Variants in ECHDC2 observed in about 807,000 individuals in gnomAD.
The protein encoded by ECHDC2 is enoyl-CoA hydratase domain-containing protein 2, mitochondrial.
Under a neutral mutation model 40.6 loss-of-function variants are expected in ECHDC2, and 34 were observed. That is an observed-to-expected ratio of 0.84 (90% CI 0.64 to 1.11). ECHDC2 has a LOEUF of 1.11. ECHDC2 is among the 50% of genes most tolerant of loss of function. ECHDC2 has a pLI of 0.00. For synonymous variants in ECHDC2, 162 were observed against 166.6 expected (o/e 0.97, Z 0.21); for missense variants, 392 against 400.7 (o/e 0.98, Z 0.19).
intron 3 of ECHDC2, among the ~76,000 whole-genome samples, chr1:52,909,569 T>G (rs1648886481): frequency 6.6e-6 from 1 of 151,524 alleles, no homozygotes. Flanking sequence ...TATAATGTCT[T>G]AAGAAAGTTT....
At position 52,896,520 on chromosome 1, in the gene ECHDC2, T is replaced by C. The variant is rs1646642392; in HGVS notation, c.879A>G (p.Ter293TrpextTer4). ...EKRTPKFVGK* is the reference protein window; with the variant it reads ...EKRTPKFVGKW ...CCCATGCTGAAGGTTAAAATGGGGG[T>C]CATTTGCCAACAAATTTGGGAGTCC... The change falls in exon 10 of 10, where the codon TGA becomes TGG. Residue 293 changes from the stop codon to tryptophan (W), a stop_lost. Coordinates refer to ENST00000371522, the MANE Select transcript of ECHDC2 (RefSeq NM_001198961.2). 4 of 1,613,226 alleles carry C rather than the reference T, an allele frequency of 2.5e-6. No individual in the cohort carries two copies. The Admixed American group carries it at 6.7e-5, about 27-fold the overall frequency.
At chr1:52,916,770 TG>T (rs1279098228) in intron 1 of ECHDC2, among the ~76,000 whole-genome samples, 1 of 152,176 alleles carries the variant, frequency 6.6e-6, no homozygotes, top group Non-Finnish European at 1.5e-5. Flanking sequence ...GCCCCGATGC[TG>T]GGAACATTGC....
chr1:52,907,910 C>T lies in ECHDC2; in HGVS notation c.322G>A (p.Gly108Arg). Residue 108 changes from glycine (G) to arginine (R), a missense_variant, in exon 4 of 10, where the codon GGG becomes AGG. Gly to Arg is a moderately radical substitution (Grantham distance 125). Coordinates refer to ENST00000371522, the MANE Select transcript of ECHDC2 (RefSeq NM_001198961.2). ...EREQMSEAEV[G>R]VFVQRLRGLM... ...CCCCGGAGTCGCTGGACAAACACCC[C>T]CACCTCTGCTTCACTCATCTGTTCC... 1 of 1,614,110 alleles carries T rather than the reference C, an allele frequency of 6.2e-7. No homozygotes were observed. Among genetic ancestry groups the T allele is most frequent in the Non-Finnish European group, 8.5e-7 (1 of 1,180,008 alleles).
At chr1:52,911,303 T>C (rs1649430789) in intron 3 of ECHDC2, among the ~76,000 whole-genome samples, 1 of 152,056 alleles carries the variant, frequency 6.6e-6, no homozygotes, top group African/African-American at 2.4e-5. Context: ...ATTTCCCCCG[T>C]GAAGGGTCAG....
chr1:52,901,136 CAA>C (rs1646963774), intron 7 of ECHDC2: 1 of 151,692 alleles, frequency 6.6e-6, no homozygotes. Context: ...CCAGCCTGGG[CAA>C]AAGAGCCAGA....
Position 52,897,471 on chromosome 1 carries a change from GAT to G in ECHDC2, c.765_766del (p.Ser256TrpfsTer5). 1 of 1,614,220 alleles carries G rather than the reference GAT, an allele frequency of 6.2e-7. No homozygotes were observed. The highest frequency in any genetic ancestry group is 8.5e-7 in the Non-Finnish European group (1 of 1,180,046). ...GCACATCCCTTCAATGGCCATCCCA[GAT>G]GCAATGTCCACCTGCAAGAAAGACG... On this transcript the variant is annotated frameshift_variant, in exon 9 of 10. Transcript: ENST00000371522. LOFTEE classifies it high-confidence loss of function.
chr1:52,903,095 C>T (rs1027219240), intron 7 of ECHDC2, among the ~76,000 whole-genome samples: 9 of 152,134 alleles, frequency 5.9e-5, no homozygotes, highest in East Asian at 1.9e-4. Flanking sequence ...AGCAGACCCT[C>T]GCAGGGCCTT....
intron 5 of ECHDC2, chr1:52,905,358 G>A: frequency 1.9e-6 from 1 of 537,404 alleles, no homozygotes; most frequent in East Asian, 3.0e-5. Flanking sequence ...GTGGAAGAAA[G>A]ATGGCTGGCC....
rs996818840 is a variant in ECHDC2, at chr1:52,914,466, G to T, written c.122-2676C>A. ...AGAGGGCCCAGGTGTGGGACTGCAGGGTGCCTTCCAGAACTGGAGGAGTTC... is the reference window on the plus strand; with the variant it reads ...AGAGGGCCCAGGTGTGGGACTGCAGTGTGCCTTCCAGAACTGGAGGAGTTC... On this transcript the variant is annotated intron_variant, in intron 1 of 9. Coordinates refer to ENST00000371522, the MANE Select transcript of ECHDC2 (RefSeq NM_001198961.2). This position sits in a 1 kb window ranked among gnomAD's most constrained non-coding sequence, Gnocchi z 4.0. Among the ~76,000 whole-genome samples, 1 of 152,088 alleles carries T rather than the reference G, an allele frequency of 6.6e-6. No homozygotes were observed. Among genetic ancestry groups the T allele is most frequent in the African/African-American group, 2.4e-5 (1 of 41,392 alleles).
chr1:52,896,378 G>A lies in ECHDC2; in HGVS notation c.*142C>T. ...CACCTTGGTTCCAGGCATCACGCCA[G>A]TCATTTTATTTCCATCATCATCCTT... On this transcript the variant is annotated 3_prime_UTR_variant, in exon 10 of 10. Transcript: ENST00000371522. 1.4e-6 allele frequency: 1 copy of A among 734,218 alleles called. No individual in the cohort carries two copies. The highest frequency in any genetic ancestry group is 2.4e-6 in the Non-Finnish European group (1 of 415,400). 45.5% of individuals were successfully genotyped at this position (734,218 alleles called of 1,614,324 possible). A position where few individuals can be genotyped will look rare whatever the true frequency, so the allele number is the denominator to read the frequency against.
chr1:52,908,395 G>A (rs1174123261), intron 3 of ECHDC2, among the ~76,000 whole-genome samples: 1 of 152,222 alleles, frequency 6.6e-6, no homozygotes, highest in African/African-American at 2.4e-5. Context: ...CAGCTACTCA[G>A]GTGGCGGAGG....
chr1:52,917,595 G>T (rs1277078292), intron 1 of ECHDC2: 1 of 455,970 alleles, frequency 2.2e-6, no homozygotes, highest in African/African-American at 2.0e-5. Context: ...TCAGCTTGTG[G>T]TGGAGAACCT....
chr1:52,921,318 A>G, intron 1 of ECHDC2: 1 of 930,644 alleles, frequency 1.1e-6, no homozygotes, highest in Non-Finnish European at 1.5e-6. Flanking sequence ...GAAGACCCCA[A>G]AGGGCCTTTG....
chr1:52,912,041 G>T, intron 1 of ECHDC2: 9 of 1,405,928 alleles, frequency 6.4e-6, no homozygotes, highest in Non-Finnish European at 8.3e-6. Context: ...AAAATGGGGA[G>T]AGGAACAACA....
chr1:52,915,328 C>G (rs761704364), intron 1 of ECHDC2: 25 of 455,906 alleles, frequency 5.5e-5, no homozygotes, highest in Non-Finnish European at 2.6e-5. Flanking sequence ...TTGGCATTCT[C>G]AGTTTAAGCT....
intron 3 of ECHDC2, among the ~76,000 whole-genome samples, chr1:52,909,346 G>A (rs1178249749): frequency 6.6e-6 from 1 of 152,082 alleles, no homozygotes; most frequent in Non-Finnish European, 1.5e-5. Flanking sequence ...AAAAATCCAT[G>A]GATGCTCAAG....
At position 52,903,511 on chromosome 1, in the gene ECHDC2, C is replaced by T. The variant is rs184408235; in HGVS notation, c.702+1135G>A. On this transcript the variant is annotated intron_variant, in intron 7 of 9. Coordinates refer to ENST00000371522, the MANE Select transcript of ECHDC2 (RefSeq NM_001198961.2). ...GTTGCCCAGGCTGGAAGTGCAGTGG[C>T]GTGACCAGCTTACTGCAGCTTTGAA... Among the ~76,000 whole-genome samples, 145 of 151,874 alleles carry T rather than the reference C, an allele frequency of 9.5e-4. 1 individual carries two copies. Among genetic ancestry groups the T allele is most frequent in the African/African-American group, 3.3e-3 (135 of 41,390 alleles).
At chr1:52,897,931 A>G in intron 8 of ECHDC2, 1 of 249,414 alleles carries the variant, frequency 4.0e-6, no homozygotes, top group Non-Finnish European at 8.0e-6. Context: ...TAATTTGTCA[A>G]AGTTCACAAC....
chr1:52,909,885 A>G (rs1648970765), intron 3 of ECHDC2, among the ~76,000 whole-genome samples: 1 of 152,220 alleles, frequency 6.6e-6, no homozygotes, highest in Admixed American at 6.5e-5. Context: ...CATTCTTCAC[A>G]GTGGCCAAAA....
Sources: gnomAD v4.1 joint callset for allele counts (sites outside exome capture counted in the v4.1 genomes callset) on GRCh38, gnomAD v4.1.1 for gene constraint, Gnocchi (gnomAD v3.1) non-coding constraint, MANE v1.5 for transcripts, NCBI Gene and HGNC (gene_info 2026-07-23, HGNC 2026-07-21) for gene names.